The following SYT6 variants were observed in gnomAD, a reference collection of about 807,000 sequenced individuals.
The protein encoded by SYT6 is synaptotagmin-6.
Under a neutral mutation model 38.4 loss-of-function variants are expected in SYT6, and 24 were observed. The observed-to-expected ratio is 0.62, with a 90% CI of 0.45 to 0.88. The LOEUF is 0.88. Ranked by LOEUF, SYT6 falls within the 40% of genes least tolerant of loss-of-function variation. The pLI is 0.00. For synonymous variants in SYT6, 265 were observed against 241.9 expected, an observed-to-expected ratio of 1.10 and a Z score of -0.89; for missense variants, 611 against 621.0, an observed-to-expected ratio of 0.98 and a Z score of 0.17.
intron 5 of SYT6, 67 bp from the exon 6 acceptor site, chr1:114,097,944 G>T (rs374204964): frequency 2.1e-5 from 34 of 1,581,492 alleles, no homozygotes; most frequent in Middle Eastern, 1.7e-4. Context: ...GGTCCAGTGT[G>T]GGGGGTGGTA....
chr1:114,116,376 G>T (rs1458449359), intron 3 of SYT6, among the ~76,000 whole-genome samples: 47 of 152,308 alleles, frequency 3.1e-4, no homozygotes, highest in Admixed American at 3.1e-3. Context: ...GGCCCTCTCT[G>T]CACAGATCTT....
At chr1:114,103,291 G>A (rs1325524969) in intron 4 of SYT6, among the ~76,000 whole-genome samples, 1 of 151,838 alleles carries the variant, frequency 6.6e-6, no homozygotes, top group Non-Finnish European at 1.5e-5. Context: ...GAGAAAGAAT[G>A]ACAGCAACAG....
chr1:114,105,880 A>C (rs925152008), intron 3 of SYT6, among the ~76,000 whole-genome samples: 1 of 152,064 alleles, frequency 6.6e-6, no homozygotes, highest in African/African-American at 2.4e-5. Flanking sequence ...CCACTTGTTC[A>C]TTTTTGTTTC....
At chr1:114,119,742 G>A (rs911157005) in intron 3 of SYT6, among the ~76,000 whole-genome samples, 6 of 152,238 alleles carry the variant, frequency 3.9e-5, no homozygotes, top group African/African-American at 9.6e-5. Flanking sequence ...AGGGTTTGAC[G>A]GGGCTTTACA....
chr1:114,136,433 A>G (rs1299465854), intron 3 of SYT6, among the ~76,000 whole-genome samples: 1 of 152,176 alleles, frequency 6.6e-6, no homozygotes, highest in Non-Finnish European at 1.5e-5. Context: ...GAATGCCCCC[A>G]CTGAGCTCTC....
intron 4 of SYT6, among the ~76,000 whole-genome samples, chr1:114,101,689 G>A (rs1229544057): frequency 2.0e-5 from 3 of 152,088 alleles, no homozygotes; most frequent in Non-Finnish European, 2.9e-5. Context: ...AATAAGTCTG[G>A]GCTGAGGGAA....
chr1:114,112,202 C>T (rs1676725877), intron 3 of SYT6, among the ~76,000 whole-genome samples: 1 of 152,194 alleles, frequency 6.6e-6, no homozygotes, highest in Non-Finnish European at 1.5e-5. Flanking sequence ...AGTGTGGACA[C>T]AGAGCTAAGG....
chr1:114,135,175 C>A (rs775724368), intron 3 of SYT6, among the ~76,000 whole-genome samples: 1 of 152,072 alleles, frequency 6.6e-6, no homozygotes, highest in African/African-American at 2.4e-5. Flanking sequence ...GAAACTCCTG[C>A]ACCTGGACTC....
At chr1:114,127,989 G>A (rs995021076) in intron 3 of SYT6, among the ~76,000 whole-genome samples, 1 of 152,234 alleles carries the variant, frequency 6.6e-6, no homozygotes, top group Non-Finnish European at 1.5e-5. Flanking sequence ...TCTGACTCAG[G>A]TGGGTGGGGG....
chr1:114,130,803 A>G (rs1678097929), intron 3 of SYT6, among the ~76,000 whole-genome samples: 1 of 152,134 alleles, frequency 6.6e-6, no homozygotes, highest in Admixed American at 6.5e-5. Context: ...CAATATGCTT[A>G]CCTCTTACTC....
intron 5 of SYT6, among the ~76,000 whole-genome samples, chr1:114,098,635 G>T (rs550329261): frequency 2.6e-5 from 4 of 152,344 alleles, no homozygotes; most frequent in African/African-American, 4.8e-5. Flanking sequence ...GGTCCAGGAA[G>T]AAAGCTGTCA....
At chr1:114,099,006 A>G (rs1675808557) in intron 5 of SYT6, 88 bp downstream of exon 5, 4 of 1,369,824 alleles carry the variant, frequency 2.9e-6, no homozygotes, top group Non-Finnish European at 4.0e-6. Flanking sequence ...TGAGCCCTGA[A>G]TCACAAGGTC....
chr1:114,135,524 G>A (rs953153855), intron 3 of SYT6, among the ~76,000 whole-genome samples: 4 of 152,080 alleles, frequency 2.6e-5, no homozygotes, highest in Non-Finnish European at 5.9e-5. Flanking sequence ...GGATGATGAG[G>A]ATGATGGTGA....
chr1:114,135,212 C>A (rs144692192), intron 3 of SYT6, among the ~76,000 whole-genome samples: 83 of 152,222 alleles, frequency 5.5e-4, no homozygotes, highest in African/African-American at 1.9e-3. Flanking sequence ...GAATGCTCCC[C>A]CTTCCTCTTG....
chr1:114,137,599 A>C lies in SYT6; in HGVS notation c.967T>G (p.Ser323Ala), dbSNP rs751393469. Residue 323 changes from serine to alanine, a missense_variant, in exon 3 of 8, where the codon TCC (serine) becomes GCC (alanine). Ser to Ala is a moderately conservative substitution (Grantham distance 99). Coordinates refer to ENST00000610222, the MANE Select transcript of SYT6 (RefSeq NM_001253772.2). The stretch of plus-strand genomic sequence containing the variant: ...ACCTCGCCAATCATGTCATGGCGGG[A>C]GAAGCGGTCAAAGTCGAAGACACTG... ...HLSVFDFDRF[S>A]RHDMIGEVIL... 9.3e-6 allele frequency: 15 copies of C among 1,613,940 alleles called. No individual in the cohort carries two copies. The highest frequency in any genetic ancestry group is 1.3e-5 in the Non-Finnish European group (15 of 1,179,988).
At chr1:114,095,785 A>C (rs1017234160) in intron 6 of SYT6, among the ~76,000 whole-genome samples, 2 of 151,806 alleles carry the variant, frequency 1.3e-5, no homozygotes, top group African/African-American at 2.4e-5. Flanking sequence ...CTCAGCCTCC[A>C]GAGTAGCTGG....
At chr1:114,127,779 T>A (rs1468533123) in intron 3 of SYT6, among the ~76,000 whole-genome samples, 1 of 152,156 alleles carries the variant, frequency 6.6e-6, no homozygotes. Context: ...AGGAATAAAC[T>A]GTGAGTAGGA....
At chr1:114,124,799 TG>T (rs1677628801) in intron 3 of SYT6, among the ~76,000 whole-genome samples, 1 of 152,196 alleles carries the variant, frequency 6.6e-6, no homozygotes, top group East Asian at 1.9e-4. Flanking sequence ...AGTGGCAACA[TG>T]GGGGAGGGCT....
Position 114,153,720 on chromosome 1 carries a change from A to G in SYT6, c.53T>C (p.Val18Ala). 1 of 681,146 alleles carries G rather than the reference A, an allele frequency of 1.5e-6. No individual in the cohort carries two copies. The highest frequency in any genetic ancestry group is 2.7e-6 in the Non-Finnish European group (1 of 374,316). 42.2% of individuals were successfully genotyped at this position (681,146 alleles called of 1,614,324 possible). A position where few individuals can be genotyped will look rare whatever the true frequency, so the allele number is the denominator to read the frequency against. ...CCGGGCCCGGCACAGCGAGGCGAGG[A>G]CCGCGAGCGCCTCCTGGCACCGAGG... is the stretch of plus-strand genomic sequence containing the variant. ...GGPRCQEALA[V>A]LASLCRARPP... is the part of the protein sequence containing the mutation. The change falls in exon 1 of 8, where the codon GTC becomes GCC. Residue 18 changes from valine to alanine, a missense_variant. Val to Ala is a moderately conservative substitution (Grantham distance 64). Transcript: ENST00000610222.
Sources: gnomAD v4.1 joint callset for allele counts (sites outside exome capture counted in the v4.1 genomes callset) on GRCh38, gnomAD v4.1.1 for gene constraint, MANE v1.5 for transcripts, NCBI Gene and HGNC (gene_info 2026-07-23, HGNC 2026-07-21) for gene names.